The following KCTD13 variants were observed in gnomAD, a reference collection of about 807,000 sequenced individuals.
KCTD13 encodes the protein potassium channel tetramerization domain containing 13.
A neutral mutation model predicts 32.3 loss-of-function variants in KCTD13; 15 were observed. That is an observed-to-expected ratio of 0.46 (90% CI 0.31 to 0.71). The LOEUF is 0.71. Ranked by LOEUF, KCTD13 falls within the 30% of genes least tolerant of loss-of-function variation. The pLI, the probability that KCTD13 is intolerant of heterozygous loss-of-function variation, is 0.05. For missense variants in KCTD13, 337 were observed against 452.6 expected (o/e 0.74, Z 2.32); for synonymous variants, 189 against 200.1 (o/e 0.94, Z 0.47).
chr16:29,925,548 T>C, intron 1 of KCTD13: 1 of 569,964 alleles, frequency 1.8e-6, no homozygotes, highest in Non-Finnish European at 3.1e-6. Flanking sequence ...CCACAGCGCC[T>C]GGCAGTTAGG....
At chr16:29,920,956 T>C (rs2068900431) in intron 2 of KCTD13, 1 of 152,048 alleles carries the variant, frequency 6.6e-6, no homozygotes, top group Admixed American at 6.6e-5. Context: ...GTGACACGGT[T>C]TGTAGGGGCA....
At chr16:29,916,920 C>T (rs2068820247) in intron 2 of KCTD13, among the ~76,000 whole-genome samples, 1 of 152,162 alleles carries the variant, frequency 6.6e-6, no homozygotes, top group South Asian at 2.1e-4. Flanking sequence ...TTGCTGTCGG[C>T]AGGGGCTTCA....
intron 2 of KCTD13, chr16:29,913,725 T>C (rs1230217163): frequency 6.6e-6 from 1 of 152,200 alleles, no homozygotes; most frequent in Non-Finnish European, 1.5e-5. Context: ...AAACAACAAA[T>C]CCCTGCCATG....
chr16:29,907,214 A>C lies in KCTD13; in HGVS notation c.754-106T>G. On this transcript the variant is annotated intron_variant, in intron 5 of 5. Transcript: ENST00000568000. ...CAACACACCTCCTAGCCCTGCAGTC[A>C]GGTCCTTGGGCCTGGCCTGGCCTCT... is the stretch of plus-strand genomic sequence containing the variant. The C allele has an allele frequency of 6.5e-6, 5 of 766,070 alleles. No homozygotes were observed. In the South Asian group the frequency reaches 8.7e-5, roughly 13 times the overall value. 47.5% of individuals were successfully genotyped at this position (766,070 alleles called of 1,614,324 possible).
intron 1 of KCTD13, among the ~76,000 whole-genome samples, chr16:29,924,179 A>AAAAAAAAAAAAG (rs1037630501): frequency 4.0e-5 from 6 of 149,808 alleles, no homozygotes; most frequent in South Asian, 2.1e-4. Context: ...CATCTCAAAA[A>AAAAAAAAAAAAG]AAAAGAAAAG....
Position 29,910,996 on chromosome 16 carries a change from C to T in KCTD13, c.735G>A (p.Thr245=), listed in dbSNP as rs140026110. The T allele has an allele frequency of 4.3e-5, 69 of 1,613,868 alleles. No individual in the cohort carries two copies. Among genetic ancestry groups the T allele is most frequent in the Admixed American group, 6.7e-5 (4 of 59,968 alleles). Residue 245 remains threonine, a synonymous_variant, in exon 5 of 6, where the codon ACG becomes ACA. Coordinates refer to ENST00000568000, the MANE Select transcript of KCTD13 (RefSeq NM_178863.5). ...EVCCTSIVYA[T]EKKQTKVEFP... is the part of the protein sequence containing the mutation. ...CTCTGACCTTGGTCTGCTTCTTCTC[C>T]GTAGCATAGACAATGGAGGTGCAGC...
At chr16:29,912,305 T>G (rs1310897365) in intron 2 of KCTD13, 12 of 555,128 alleles carry the variant, frequency 2.2e-5, no homozygotes, top group Non-Finnish European at 3.5e-5. Context: ...CCGGGATGCT[T>G]CTTTGCTCAG....
intron 5 of KCTD13, among the ~76,000 whole-genome samples, chr16:29,907,729 A>G (rs1035024057): frequency 6.6e-6 from 1 of 152,166 alleles, no homozygotes; most frequent in Non-Finnish European, 1.5e-5. Context: ...TGGAGGTTGC[A>G]GTGAGCCAAG....
rs767101569 is a variant in KCTD13 at position 29,911,859 on chromosome 16, C to T, written c.513G>A (p.Val171=). 6 of 1,612,278 alleles carry T rather than the reference C, an allele frequency of 3.7e-6. No homozygotes were observed. The highest frequency in any genetic ancestry group is 2.2e-5 in the South Asian group (2 of 90,964). ...QLLASTSKPV[V]KLLHNRSNNK... ...TGTTACTGCGGTTGTGCAGGAGCTT[C>T]ACCACGGGCTGGCGGGGGAGAGAGG... The change falls in exon 4 of 6, where the codon GTG becomes GTA. Residue 171 remains valine, a synonymous_variant. Coordinates refer to ENST00000568000, the MANE Select transcript of KCTD13 (RefSeq NM_178863.5).
At chr16:29,917,651 C>T (rs1187809879) in intron 2 of KCTD13, among the ~76,000 whole-genome samples, 2 of 152,050 alleles carry the variant, frequency 1.3e-5, no homozygotes, top group African/African-American at 2.4e-5. Flanking sequence ...TGGTGGTGCA[C>T]GCCTGTAATC....
At position 29,925,935 on chromosome 16, in the gene KCTD13, G is replaced by A; in HGVS notation, c.99C>T (p.Leu33=). Residue 33 remains leucine, a synonymous_variant, in exon 1 of 6, where the codon CTC becomes CTT. Coordinates refer to ENST00000568000, the MANE Select transcript of KCTD13 (RefSeq NM_178863.5). ...ATTTGCTGTTCGGGGTCAGCGGCTT[G>A]AGACCGTAGGCGGCGGGGCCAGGCT... is the stretch of plus-strand genomic sequence containing the variant. ...GLEPGPAAYG[L]KPLTPNSKYV... The A allele has an allele frequency of 6.2e-7, 1 of 1,613,962 alleles. No homozygotes were observed. The highest frequency in any genetic ancestry group is 1.3e-5 in the African/African-American group (1 of 75,054).
intron 5 of KCTD13, 29 bp from the exon 6 acceptor site, chr16:29,907,137 T>C (rs781672488): frequency 1.1e-4 from 174 of 1,521,010 alleles, no homozygotes; most frequent in Non-Finnish European, 1.5e-4. Flanking sequence ...CCCCAGCTCC[T>C]TCCTTCTGGT....
At chr16:29,912,645 G>C (rs1442960112) in intron 2 of KCTD13, among the ~76,000 whole-genome samples, 1 of 152,176 alleles carries the variant, frequency 6.6e-6, no homozygotes, top group Non-Finnish European at 1.5e-5. Context: ...TCTCCATGTT[G>C]GTCAGGCTGG....
rs1268222344 is a variant in KCTD13, at chr16:29,908,706, T to C, written c.754-1598A>G. On this transcript the variant is annotated intron_variant, in intron 5 of 5. Transcript: ENST00000568000. Reference sequence around the variant, plus strand: ...GCCTTTTTTTTTTTTTTTTAATCGTTGTTTGTTTGTTTCTAAGACAAGATC... The same window carrying C: ...GCCTTTTTTTTTTTTTTTTAATCGTCGTTTGTTTGTTTCTAAGACAAGATC... 1.4e-5 allele frequency among the ~76,000 whole-genome samples: 2 copies of C among 147,810 alleles called. 1 individual carries two copies. The highest frequency in any genetic ancestry group is 3.0e-5 in the Non-Finnish European group (2 of 67,204).
At chr16:29,923,050 G>T in intron 2 of KCTD13, 140 bp downstream of exon 2, 1 of 880,502 alleles carries the variant, frequency 1.1e-6, no homozygotes, top group Non-Finnish European at 1.7e-6. Context: ...TGCAGAAGAT[G>T]GCACCTCAAA....
At position 29,912,020 on chromosome 16, in the gene KCTD13, G is replaced by A; in HGVS notation, c.444C>T (p.Cys148=). ...GGGGAGATGTCACCATGGGGATGAG[G>A]CACAGCGGGGACAGCGTCTCCCTTT... ...QQKRETLSPL[C]LIPMVTSPRE... The change falls in exon 3 of 6, where the codon TGC becomes TGT. Residue 148 remains cysteine (C), a synonymous_variant. Transcript: ENST00000568000. 2 of 1,610,852 alleles carry A rather than the reference G, an allele frequency of 1.2e-6. No homozygotes were observed. The highest frequency in any genetic ancestry group is 1.7e-5 in the Admixed American group (1 of 59,098).
At position 29,911,872 on chromosome 16, in the gene KCTD13, C is replaced by A; in HGVS notation, c.505-5G>T. 2 of 1,611,904 alleles carry A rather than the reference C, an allele frequency of 1.2e-6. No homozygotes were observed. The highest frequency in any genetic ancestry group is 1.1e-5 in the South Asian group (1 of 90,954). On this transcript the variant is annotated splice_region_variant and splice_polypyrimidine_tract_variant and intron_variant, in intron 3 of 5. Transcript: ENST00000568000. Reference sequence around the variant, plus strand: ...GTGCAGGAGCTTCACCACGGGCTGGCGGGGGAGAGAGGATGGACGAGAGGG... The same window carrying A: ...GTGCAGGAGCTTCACCACGGGCTGGAGGGGGAGAGAGGATGGACGAGAGGG...
chr16:29,925,071 C>A (rs925614601), intron 1 of KCTD13, among the ~76,000 whole-genome samples: 8 of 152,134 alleles, frequency 5.3e-5, no homozygotes, highest in Admixed American at 3.3e-4. Context: ...AATTTTTATT[C>A]TCCTGCTCTC....
intron 1 of KCTD13, among the ~76,000 whole-genome samples, chr16:29,924,097 C>A (rs1255327152): frequency 1.6e-4 from 24 of 151,276 alleles, no homozygotes; most frequent in Non-Finnish European, 1.5e-5. Flanking sequence ...TTGCTTGAAT[C>A]CGGGAGGTGG....
Sources: gnomAD v4.1 joint callset for allele counts (sites outside exome capture counted in the v4.1 genomes callset) on GRCh38, gnomAD v4.1.1 for gene constraint, MANE v1.5 for transcripts, NCBI Gene and HGNC (gene_info 2026-07-23, HGNC 2026-07-21) for gene names.